Variants in EHBP1L1 observed in about 807,000 individuals in gnomAD.
EHBP1L1 encodes EH domain binding protein 1 like 1, also known as EH domain-binding protein 1-like protein 1.
In EHBP1L1, 122 loss-of-function variants were observed where a neutral mutation model predicts 151.1. The ratio of observed to expected loss-of-function variants is 0.81; its 90% CI spans 0.70 to 0.94. The LOEUF is 0.94. Ranked by LOEUF, EHBP1L1 falls within the 40% of genes least tolerant of loss-of-function variation. The pLI, the probability that EHBP1L1 is intolerant of heterozygous loss-of-function variation, is 0.00. For synonymous variants in EHBP1L1, 878 were observed against 810.1 expected, an observed-to-expected ratio of 1.08 and a Z score of -1.42; for missense variants, 1,941 against 1,959.8, an observed-to-expected ratio of 0.99 and a Z score of 0.18.
intron 1 of EHBP1L1, 53 bp from the exon 2 acceptor site, chr11:65,579,025 G>C: frequency 1.3e-6 from 2 of 1,524,826 alleles, no homozygotes; most frequent in African/African-American, 1.4e-5. Context: ...GGAGGCAGGT[G>C]AGCCTGACCA....
intron 1 of EHBP1L1, 114 bp from the exon 2 acceptor site, chr11:65,578,964 T>A (rs1857451102): frequency 9.8e-7 from 1 of 1,017,882 alleles, no homozygotes. Flanking sequence ...GAGGGGGAGG[T>A]GGGCAGAAGG....
At chr11:65,576,773 G>C (rs1010284138) in intron 1 of EHBP1L1, among the ~76,000 whole-genome samples, 1 of 152,196 alleles carries the variant, frequency 6.6e-6, no homozygotes, top group African/African-American at 2.4e-5. Flanking sequence ...TCTGCAGGTG[G>C]CTAGGGCTGG....
At chr11:65,578,660 G>A (rs1262506815) in intron 1 of EHBP1L1, among the ~76,000 whole-genome samples, 2 of 152,234 alleles carry the variant, frequency 1.3e-5, no homozygotes, top group Non-Finnish European at 2.9e-5. Flanking sequence ...ATCTTTGTGC[G>A]AAGGGACTTC....
In EHBP1L1 at chr11:65,576,381, C is replaced by T. The variant is rs1191445903; in HGVS notation, c.79C>T (p.Leu27=). ...KFQFVACYHE[L]VLECTKKWQP... ...CCAGTTCGTGGCCTGTTACCACGAG[C>T]TAGTGTTGGAGTGCACCAAGAAATG... is the stretch of plus-strand genomic sequence containing the variant. The change falls in exon 1 of 19, where the codon CTA becomes TTA. Residue 27 remains leucine (L), a synonymous_variant. Transcript: ENST00000309295. 4 of 1,592,174 alleles carry T rather than the reference C, an allele frequency of 2.5e-6. No homozygotes were observed. The highest frequency in any genetic ancestry group is 1.7e-6 in the Non-Finnish European group (2 of 1,169,722).
intron 6 of EHBP1L1, 88 bp from the exon 7 acceptor site, chr11:65,580,970 C>T: frequency 6.6e-7 from 1 of 1,510,794 alleles, no homozygotes; most frequent in Non-Finnish European, 8.9e-7. Flanking sequence ...CCAGGTAGGA[C>T]CTGCACTGTA....
In EHBP1L1 at chr11:65,580,267, C is replaced by A; in HGVS notation, c.491+8C>A. ...GCGGGAGGGCCGTGCCACGTGAGTG[C>A]CTACCTGCCCTCCTTGATCCTGGCC... On this transcript the variant is annotated splice_region_variant and intron_variant, in intron 5 of 18. Coordinates refer to ENST00000309295, the MANE Select transcript of EHBP1L1 (RefSeq NM_001099409.3). 6.2e-7 allele frequency: 1 copy of A among 1,613,052 alleles called. No homozygotes were observed. Among genetic ancestry groups the A allele is most frequent in the Non-Finnish European group, 8.5e-7 (1 of 1,179,396 alleles).
chr11:65,590,081 C>A lies in EHBP1L1; in HGVS notation c.4060-6C>A. On this transcript the variant is annotated splice_region_variant and splice_polypyrimidine_tract_variant and intron_variant, in intron 14 of 18. Coordinates refer to ENST00000309295, the MANE Select transcript of EHBP1L1 (RefSeq NM_001099409.3). ...CCACCCTGTTCTCTGCCTTTTCCAC[C>A]CCCAGCAACGGTTCCAGGACACAAG... 6.2e-7 allele frequency: 1 copy of A among 1,613,800 alleles called. No homozygotes were observed. Among genetic ancestry groups the A allele is most frequent in the Non-Finnish European group, 8.5e-7 (1 of 1,179,792 alleles).
intron 14 of EHBP1L1, 43 bp downstream of exon 14, chr11:65,590,034 C>T: frequency 6.2e-7 from 1 of 1,610,618 alleles, no homozygotes; most frequent in Non-Finnish European, 8.5e-7. Context: ...TGAGCACCAC[C>T]TATTCAGGGC....
In EHBP1L1 at chr11:65,579,983, T is replaced by C; in HGVS notation, c.306T>C (p.Ile102=). Reference sequence around the variant, plus strand: ...AGGCCAAAGAGTGGACATTTATTATTGAAAATGTGAGTGTCTGGAGTGGGC... The same window carrying C: ...AGGCCAAAGAGTGGACATTTATTATCGAAAATGTGAGTGTCTGGAGTGGGC... The part of the protein sequence containing the change: ...QYEAKEWTFI[I]ENESKGQRKV... Residue 102 remains isoleucine (I), a synonymous_variant, in exon 4 of 19, where the codon ATT becomes ATC. Coordinates refer to ENST00000309295, the MANE Select transcript of EHBP1L1 (RefSeq NM_001099409.3). 6.2e-7 allele frequency: 1 copy of C among 1,613,852 alleles called. No individual in the cohort carries two copies. Among genetic ancestry groups the C allele is most frequent in the South Asian group, 1.1e-5 (1 of 91,078 alleles).
At chr11:65,579,174 G>A (rs1231920982) in intron 2 of EHBP1L1, 39 bp downstream of exon 2, 2 of 1,566,138 alleles carry the variant, frequency 1.3e-6, no homozygotes, top group South Asian at 1.2e-5. Context: ...GGTTAGGGAT[G>A]GGGGCCGGTG....
rs755982276 is a variant in EHBP1L1 at position 65,589,999 on chromosome 11, G to C, written c.4059+8G>C. On this transcript the variant is annotated splice_region_variant and intron_variant, in intron 14 of 18. Coordinates refer to ENST00000309295, the MANE Select transcript of EHBP1L1 (RefSeq NM_001099409.3). ...GGGGAGGAGGCTGGGCTGGTAAGGA[G>C]GGCTAAGTGGGAGGAGCTGATGGGT... 1.4e-5 allele frequency: 23 copies of C among 1,604,616 alleles called. No individual in the cohort carries two copies. Among genetic ancestry groups the C allele is most frequent in the Non-Finnish European group, 2.0e-5 (23 of 1,173,306 alleles).
rs1207823060 is a variant in EHBP1L1 at position 65,582,305 on chromosome 11, C to G, written c.1633C>G (p.Leu545Val). 2.0e-6 allele frequency: 3 copies of G among 1,532,274 alleles called. No homozygotes were observed. The highest frequency in any genetic ancestry group is 2.3e-5 in the East Asian group (1 of 44,416). The allele number at this position is 1,532,274 out of a possible 1,614,324, so 94.9% of individuals were successfully genotyped here. A position where few individuals can be genotyped will look rare whatever the true frequency, so the allele number is the denominator to read the frequency against. ...CCAGGTGAGCAGCTGGCAGGGGGCC[C>G]TGTTATCAACTGCCCAGGGGGCAAT... ...RPQVSSWQGA[L>V]LSTAQGAISR... Residue 545 changes from leucine to valine, a missense_variant, in exon 9 of 19, where the codon CTG becomes GTG. Coordinates refer to ENST00000309295, the MANE Select transcript of EHBP1L1 (RefSeq NM_001099409.3).
Position 65,576,337 on chromosome 11 carries a change from G to A in EHBP1L1, c.35G>A (p.Gly12Asp). ...GTGTGGAAGCGCCTGCAGCGCGTGG[G>A]CAAGCGGGCGGCCAAGTTCCAGTTC... is the stretch of plus-strand genomic sequence containing the variant. ...TSVWKRLQRV[G>D]KRAAKFQFVA... Residue 12 changes from glycine (G) to aspartate (D), a missense_variant, in exon 1 of 19, where the codon GGC becomes GAC. Coordinates refer to ENST00000309295, the MANE Select transcript of EHBP1L1 (RefSeq NM_001099409.3). 6.3e-7 allele frequency: 1 copy of A among 1,598,858 alleles called. No individual in the cohort carries two copies.
Position 65,592,387 on chromosome 11 carries a change from T to G in EHBP1L1, c.*85T>G. The stretch of plus-strand genomic sequence containing the variant: ...GCCTGCGCTGCGGACGACCCGGCCG[T>G]CCCGGAGGCCGCGCGCGTGTCCGCT... On this transcript the variant is annotated 3_prime_UTR_variant, in exon 19 of 19. Transcript: ENST00000309295. 9.5e-7 allele frequency: 1 copy of G among 1,048,668 alleles called. No individual in the cohort carries two copies. The highest frequency in any genetic ancestry group is 1.7e-5 in the African/African-American group (1 of 58,224). The allele number at this position is 1,048,668 out of a possible 1,614,324, so 65.0% of individuals were successfully genotyped here. A position where few individuals can be genotyped will look rare whatever the true frequency, so the allele number is the denominator to read the frequency against.
rs1359705393 is a variant in EHBP1L1, at chr11:65,585,243, G to A, written c.3585G>A (p.Glu1195=). The A allele has an allele frequency of 1.3e-5, 14 of 1,116,036 alleles. No individual in the cohort carries two copies. Among genetic ancestry groups the A allele is most frequent in the Non-Finnish European group, 1.5e-5 (14 of 913,384 alleles). 69.1% of individuals were successfully genotyped at this position (1,116,036 alleles called of 1,614,324 possible). A position where few individuals can be genotyped will look rare whatever the true frequency, so the allele number is the denominator to read the frequency against. The change falls in exon 12 of 19, where the codon GAG becomes GAA. Residue 1195 remains glutamate, a synonymous_variant. Transcript: ENST00000309295. The surrounding 1 kb of genome is among the most constrained non-coding windows in gnomAD (Gnocchi z 4.0). ...HGAEGPQEPK[E]AADRADGAAP... is the part of the protein sequence containing the mutation. ...CCGAGGGGCCCCAGGAGCCCAAGGAGGCCGCAGACCGCGCAGACGGGGCGG... is the reference window on the plus strand; with the variant it reads ...CCGAGGGGCCCCAGGAGCCCAAGGAAGCCGCAGACCGCGCAGACGGGGCGG...
chr11:65,583,777 G>C lies in EHBP1L1; in HGVS notation c.3093+12G>C. 6.8e-7 allele frequency: 1 copy of C among 1,462,724 alleles called. No individual in the cohort carries two copies. The highest frequency in any genetic ancestry group is 9.0e-7 in the Non-Finnish European group (1 of 1,112,098). 90.6% of individuals were successfully genotyped at this position (1,462,724 alleles called of 1,614,324 possible). A position where few individuals can be genotyped will look rare whatever the true frequency, so the allele number is the denominator to read the frequency against. Reference sequence around the variant, plus strand: ...TGCCGGGCAGCCAGGTAGGGATGGGGGCCGCCGAGGGCCCAGTCTGCTGCT... The same window carrying C: ...TGCCGGGCAGCCAGGTAGGGATGGGCGCCGCCGAGGGCCCAGTCTGCTGCT... On this transcript the variant is annotated intron_variant, in intron 9 of 18. Transcript: ENST00000309295.
At position 65,583,194 on chromosome 11, in the gene EHBP1L1, C is replaced by G; in HGVS notation, c.2522C>G (p.Ala841Gly). 1.9e-6 allele frequency: 3 copies of G among 1,613,262 alleles called. No homozygotes were observed. The highest frequency in any genetic ancestry group is 2.5e-6 in the Non-Finnish European group (3 of 1,179,796). Reference protein sequence around the residue: ...VPGLESEVAGAQETEVGGSGI... With the variant: ...VPGLESEVAGGQETEVGGSGI... ...GGGCTAGAATCTGAGGTAGCTGGGG[C>G]CCAGGAGACAGAGGTCGGGGGTTCA... Residue 841 changes from alanine (A) to glycine (G), a missense_variant, in exon 9 of 19, where the codon GCC becomes GGC. Coordinates refer to ENST00000309295, the MANE Select transcript of EHBP1L1 (RefSeq NM_001099409.3).
chr11:65,585,297 CGCGGGCCGCGCCTCCAAGGACG>C lies in EHBP1L1; in HGVS notation c.3645_3666del (p.Arg1216ProfsTer18). 9.3e-7 allele frequency: 1 copy of C among 1,074,244 alleles called. No individual in the cohort carries two copies. The highest frequency in any genetic ancestry group is 1.1e-6 in the Non-Finnish European group (1 of 887,070). The allele number at this position is 1,074,244 out of a possible 1,614,324, so 66.5% of individuals were successfully genotyped here. A position where few individuals can be genotyped will look rare whatever the true frequency, so the allele number is the denominator to read the frequency against. ...CGGGGGTGGCCTCCAGGAACGCGGT[CGCGGGCCGCGCCTCCAAGGACG>C]GCGGGGCCGAGGCCCCCCGAGAGTC... On this transcript the variant is annotated frameshift_variant, in exon 12 of 19. Transcript: ENST00000309295. LOFTEE classifies it high-confidence loss of function. This position sits in a 1 kb window ranked among gnomAD's most constrained non-coding sequence, Gnocchi z 4.0.
chr11:65,585,529 CG>C lies in EHBP1L1; in HGVS notation c.3873del (p.Asn1292ThrfsTer86). ...GCTCAAGAAGAGGCGCTCGCGGCTG[CG>C]GAACAGCAGCTCGTTCTCGATGGAC... The part of the protein sequence containing the change: ...DLLKKRRSRL[R>X]NSSSFSMDDP... On this transcript the variant is annotated frameshift_variant, in exon 12 of 19. Coordinates refer to ENST00000309295, the MANE Select transcript of EHBP1L1 (RefSeq NM_001099409.3). LOFTEE classifies it high-confidence loss of function. This position sits in a 1 kb window ranked among gnomAD's most constrained non-coding sequence, Gnocchi z 4.0. The C allele has an allele frequency of 1.3e-6, 2 of 1,574,456 alleles. No homozygotes were observed. Among genetic ancestry groups the C allele is most frequent in the Non-Finnish European group, 8.6e-7 (1 of 1,167,696 alleles).
Sources: gnomAD v4.1 joint callset for allele counts (sites outside exome capture counted in the v4.1 genomes callset) on GRCh38, gnomAD v4.1.1 for gene constraint, Gnocchi (gnomAD v3.1) non-coding constraint, MANE v1.5 for transcripts, NCBI Gene and HGNC (gene_info 2026-07-23, HGNC 2026-07-21) for gene names.